Variants in AHI1 observed in about 807,000 individuals in gnomAD.
AHI1 encodes the protein jouberin.
Under a neutral mutation model 149.3 loss-of-function variants are expected in AHI1, and 123 were observed. The observed-to-expected ratio is 0.82, with a 90% CI of 0.71 to 0.96. The LOEUF (loss-of-function observed/expected upper bound fraction) is 0.96. Ranked by LOEUF, AHI1 falls within the 40% of genes least tolerant of loss-of-function variation. AHI1 has a pLI of 0.00. For missense variants in AHI1, 1,439 were observed against 1,422.7 expected (o/e 1.01, Z -0.18); for synonymous variants, 475 against 459.8 (o/e 1.03, Z -0.42).
chr6:135,421,152 C>T (rs1382383079), intron 20 of AHI1, among the ~76,000 whole-genome samples: 1 of 151,844 alleles, frequency 6.6e-6, no homozygotes, highest in Non-Finnish European at 1.5e-5. Flanking sequence ...TTTGTGGTGC[C>T]CCAAAGCAAT....
At chr6:135,325,707 C>T (rs1299850512) in intron 24 of AHI1, among the ~76,000 whole-genome samples, 1 of 152,158 alleles carries the variant, frequency 6.6e-6, no homozygotes, top group Non-Finnish European at 1.5e-5. Flanking sequence ...CCCCTAGTTC[C>T]AGGAAACTCT....
At chr6:135,365,514 AGATC>A in intron 23 of AHI1, among the ~76,000 whole-genome samples, 1 of 152,036 alleles carries the variant, frequency 6.6e-6, no homozygotes, top group African/African-American at 2.4e-5. Context: ...TTCCTTGTAG[AGATC>A]TTTCACCTCC....
intron 24 of AHI1, among the ~76,000 whole-genome samples, chr6:135,344,246 A>C (rs772797409): frequency 5.3e-5 from 8 of 151,808 alleles, no homozygotes; most frequent in Non-Finnish European, 1.0e-4. Context: ...TGAATCTGTG[A>C]ATGCAGAACC....
At position 135,349,832 on chromosome 6, in the gene AHI1, T is replaced by C. The variant is rs577857401; in HGVS notation, c.3165+8300A>G. On this transcript the variant is annotated intron_variant, in intron 24 of 28. Coordinates refer to ENST00000265602, the MANE Select transcript of AHI1 (RefSeq NM_001134831.2). ...AGATCAATTTTTTCAACTTTTGTCA[T>C]TCTAGCAATTAGAAAAGTAAGTCCC... 1.4e-4 allele frequency among the ~76,000 whole-genome samples: 22 copies of C among 152,328 alleles called. No homozygotes were observed. The East Asian group carries it at 4.2e-3, about 29-fold the overall frequency.
At chr6:135,389,028 C>T (rs754265703) in intron 23 of AHI1, among the ~76,000 whole-genome samples, 10 of 146,782 alleles carry the variant, frequency 6.8e-5, no homozygotes, top group East Asian at 2.0e-4. Flanking sequence ...ACAAAAAATA[C>T]GGCCAAGTGC....
At chr6:135,346,627 T>C (rs1325017385) in intron 24 of AHI1, among the ~76,000 whole-genome samples, 1 of 152,182 alleles carries the variant, frequency 6.6e-6, no homozygotes, top group Non-Finnish European at 1.5e-5. Context: ...TGGACAGTCA[T>C]TCATGCTTGA....
intron 25 of AHI1, 24 bp from the exon 26 acceptor site, chr6:135,318,640 T>C (rs1036820704): frequency 2.0e-6 from 3 of 1,508,194 alleles, no homozygotes; most frequent in Middle Eastern, 1.7e-4. Context: ...AAGGAATTCA[T>C]GTAATCAAAT....
Position 135,285,381 on chromosome 6 carries a change from G to T in AHI1, c.*264C>A. On this transcript the variant is annotated 3_prime_UTR_variant, in exon 29 of 29. Coordinates refer to ENST00000265602, the MANE Select transcript of AHI1 (RefSeq NM_001134831.2). ...TTTCCAACACTGGTAATGTAATTAT[G>T]ATGCAATTACTAACAATATAAGTAC... is the stretch of plus-strand genomic sequence containing the variant. The T allele has an allele frequency of 1.9e-6, 1 of 517,214 alleles. No individual in the cohort carries two copies. The highest frequency in any genetic ancestry group is 3.4e-6 in the Non-Finnish European group (1 of 289,960). The allele number at this position is 517,214 out of a possible 1,614,324, so 32.0% of individuals were successfully genotyped here.
At chr6:135,372,944 CAGA>C (rs1388981046) in intron 23 of AHI1, among the ~76,000 whole-genome samples, 1 of 152,158 alleles carries the variant, frequency 6.6e-6, no homozygotes, top group Non-Finnish European at 1.5e-5. Context: ...GCTTAAAATA[CAGA>C]AGGTCTTCAA....
chr6:135,462,201 G>A (rs2128090583), intron 8 of AHI1, among the ~76,000 whole-genome samples: 1 of 151,938 alleles, frequency 6.6e-6, no homozygotes, highest in African/African-American at 2.4e-5. Context: ...ATCTTCTAAT[G>A]AATAAGTACT....
intron 23 of AHI1, among the ~76,000 whole-genome samples, chr6:135,377,103 G>T (rs554297616): frequency 2.6e-5 from 4 of 151,864 alleles, no homozygotes; most frequent in African/African-American, 7.3e-5. Flanking sequence ...ATCTGAATAC[G>T]AACTGTTTAT....
intron 26 of AHI1, among the ~76,000 whole-genome samples, chr6:135,310,997 T>C (rs1014946292): frequency 6.6e-6 from 1 of 151,998 alleles, no homozygotes; most frequent in Non-Finnish European, 1.5e-5. Flanking sequence ...AAAAATAGGA[T>C]TGTCTCTGCT....
intron 15 of AHI1, among the ~76,000 whole-genome samples, chr6:135,436,221 T>C (rs981355293): frequency 4.6e-5 from 7 of 152,054 alleles, no homozygotes; most frequent in African/African-American, 1.4e-4. Flanking sequence ...ATAAAACATA[T>C]AGACGATCGG....
At chr6:135,478,152 C>G (rs997618510) in intron 5 of AHI1, among the ~76,000 whole-genome samples, 22 of 151,940 alleles carry the variant, frequency 1.4e-4, no homozygotes, top group African/African-American at 5.1e-4. Context: ...AAAATTGGTA[C>G]CAGAGAAGTG....
intron 13 of AHI1, among the ~76,000 whole-genome samples, chr6:135,443,506 C>T (rs1289071090): frequency 6.6e-6 from 1 of 152,124 alleles, no homozygotes; most frequent in Non-Finnish European, 1.5e-5. Context: ...TTCATCACAG[C>T]CACCCTATGA....
chr6:135,415,578 C>T (rs917032823), intron 20 of AHI1, among the ~76,000 whole-genome samples: 2 of 152,146 alleles, frequency 1.3e-5, no homozygotes, highest in Non-Finnish European at 2.9e-5. Flanking sequence ...ACGGCACAAT[C>T]ACTTTAAAAA....
chr6:135,444,183 T>C (rs907980399), intron 13 of AHI1, among the ~76,000 whole-genome samples: 1 of 152,200 alleles, frequency 6.6e-6, no homozygotes, highest in Non-Finnish European at 1.5e-5. Flanking sequence ...CATTAGACCC[T>C]CATCACCTCA....
rs1246095520 is a variant in AHI1 at position 135,462,359 on chromosome 6, A to G, written c.931+766T>C. Among the ~76,000 whole-genome samples the G allele has an allele frequency of 3.3e-5, 5 of 152,098 alleles. No homozygotes were observed. In the South Asian group the frequency reaches 8.3e-4, roughly 25 times the overall value. On this transcript the variant is annotated intron_variant, in intron 8 of 28. Coordinates refer to ENST00000265602, the MANE Select transcript of AHI1 (RefSeq NM_001134831.2). ...GAAAAGAAGAAGACAGAAATCAACAAGGCAAAGAGAAAAGTTGAGAAAGGA... is the reference window on the plus strand; with the variant it reads ...GAAAAGAAGAAGACAGAAATCAACAGGGCAAAGAGAAAAGTTGAGAAAGGA...
chr6:135,387,817 T>C lies in AHI1; in HGVS notation c.3109+6959A>G, dbSNP rs933681075. 5.1e-6 allele frequency: 7 copies of C among 1,367,802 alleles called. No individual in the cohort carries two copies. The African/African-American group carries it at 8.8e-5, about 17-fold the overall frequency. The allele number at this position is 1,367,802 out of a possible 1,614,324, so 84.7% of individuals were successfully genotyped here. A position where few individuals can be genotyped will look rare whatever the true frequency, so the allele number is the denominator to read the frequency against. ...TACTGTTTATTCTCCCAATATTTTA[T>C]GAGTTTCAAAGTATTAAATGTATTG... On this transcript the variant is annotated intron_variant, in intron 23 of 28. Coordinates refer to ENST00000265602, the MANE Select transcript of AHI1 (RefSeq NM_001134831.2).
Sources: gnomAD v4.1 joint callset for allele counts (sites outside exome capture counted in the v4.1 genomes callset) on GRCh38, gnomAD v4.1.1 for gene constraint, MANE v1.5 for transcripts, NCBI Gene and HGNC (gene_info 2026-07-23, HGNC 2026-07-21) for gene names.